Variants in B3GALT5 observed in about 807,000 individuals in gnomAD.
B3GALT5 encodes UDP-Gal:betaGlcNAc beta 1,3-galactosyltransferase, polypeptide 5.
For missense variants in B3GALT5, 328 were observed against 396.6 expected (o/e 0.83, Z 1.47); for synonymous variants, 156 against 158.6 (o/e 0.98, Z 0.12).
At chr21:39,639,355 C>T (rs201468194) in intron 1 of B3GALT5, among the ~76,000 whole-genome samples, 1,912 of 78,434 alleles carry the variant, frequency 0.024, 3 homozygotes, top group African/African-American at 0.029. Flanking sequence ...TCTTTCCTTC[C>T]TTCCTTCCTT....
chr21:39,646,048 A>G (rs546894393), intron 1 of B3GALT5, among the ~76,000 whole-genome samples: 37 of 151,400 alleles, frequency 2.4e-4, no homozygotes, highest in African/African-American at 8.3e-4. Flanking sequence ...CATCTCTTTT[A>G]TTGATTCTAC....
chr21:39,657,775 ATC>A (rs1304931779), intron 2 of B3GALT5: 1 of 1,001,012 alleles, frequency 1.0e-6, no homozygotes, highest in East Asian at 3.3e-5. Flanking sequence ...TGTTGATTCG[ATC>A]TCTCTAGAGA....
chr21:39,652,171 C>T (rs1016144619), intron 2 of B3GALT5, among the ~76,000 whole-genome samples: 45 of 152,220 alleles, frequency 3.0e-4, no homozygotes, highest in African/African-American at 9.6e-4. Context: ...CAGGTGCCAG[C>T]GGGCTCTCAG....
At chr21:39,656,687 CT>C (rs569114649) in intron 2 of B3GALT5, among the ~76,000 whole-genome samples, 75 of 152,298 alleles carry the variant, frequency 4.9e-4, no homozygotes, top group African/African-American at 1.7e-3. Context: ...CTTCTGATTC[CT>C]TTGTCTCTGT....
intron 1 of B3GALT5, among the ~76,000 whole-genome samples, chr21:39,634,345 C>T (rs2079211829): frequency 6.6e-6 from 1 of 152,120 alleles, no homozygotes; most frequent in South Asian, 2.1e-4. Flanking sequence ...GTCAGAACTG[C>T]TCCCATGTCC....
rs1197254653 is a variant in B3GALT5 at position 39,671,152 on chromosome 21, C to T, written c.*9660C>T. The T allele has an allele frequency of 6.6e-6, 1 of 152,186 alleles. No individual in the cohort carries two copies. Among genetic ancestry groups the T allele is most frequent in the Admixed American group, 6.5e-5 (1 of 15,280 alleles). The allele number at this position is 152,186 out of a possible 1,614,324, so 9.4% of individuals were successfully genotyped here. ...ATTAATTCATTCATGACAGCAGAAC[C>T]CTCCTGACCCAGTCACCTCTTAAAA... is the stretch of plus-strand genomic sequence containing the variant. On this transcript the variant is annotated 3_prime_UTR_variant, in exon 4 of 4. Coordinates refer to ENST00000684187, the MANE Select transcript of B3GALT5 (RefSeq NM_001356336.2).
At chr21:39,622,593 C>T (rs918228614) in intron 1 of B3GALT5, among the ~76,000 whole-genome samples, 3 of 151,966 alleles carry the variant, frequency 2.0e-5, no homozygotes, top group African/African-American at 7.3e-5. Flanking sequence ...AGTATCTTTC[C>T]TGCCTATCGT....
At chr21:39,639,406 T>TTC (rs1569212408) in intron 1 of B3GALT5, among the ~76,000 whole-genome samples, 1,345 of 76,482 alleles carry the variant, frequency 0.018, 38 homozygotes, top group East Asian at 0.06. Flanking sequence ...TTCTTTTTCT[T>TTC]TCTTTCTTTC....
At chr21:39,614,799 C>T (rs2079099163) in intron 1 of B3GALT5, among the ~76,000 whole-genome samples, 1 of 152,142 alleles carries the variant, frequency 6.6e-6, no homozygotes, top group Admixed American at 6.5e-5. Flanking sequence ...CAGGGGATGC[C>T]CCCCATGCAT....
At chr21:39,643,417 C>CAAA (rs532164130) in intron 1 of B3GALT5, among the ~76,000 whole-genome samples, 13 of 113,424 alleles carry the variant, frequency 1.1e-4, no homozygotes, top group African/African-American at 4.2e-4. Context: ...GACTCTAGCT[C>CAAA]AAAAAAAAAA....
At chr21:39,632,499 C>T (rs2079198691) in intron 1 of B3GALT5, among the ~76,000 whole-genome samples, 1 of 152,104 alleles carries the variant, frequency 6.6e-6, no homozygotes, top group Admixed American at 6.5e-5. Flanking sequence ...AAGGAGACGC[C>T]ACGTAATTGA....
rs763454771 is a variant in B3GALT5 at position 39,660,614 on chromosome 21, CTTTG to C, written c.61_64del (p.Leu21IlefsTer7). On this transcript the variant is annotated frameshift_variant, in exon 4 of 4. Coordinates refer to ENST00000684187, the MANE Select transcript of B3GALT5 (RefSeq NM_001356336.2). LOFTEE classifies it low-confidence loss of function (END_TRUNC). Reference sequence around the variant, plus strand: ...TATTTGCCTTCTGGTTCTGGGGGCTCTTTGTTTGTATTTTAGCATGTACAGTCTA... The same window carrying C: ...TATTTGCCTTCTGGTTCTGGGGGCTCTTTGTATTTTAGCATGTACAGTCTA... 2 of 1,452,844 alleles carry C rather than the reference CTTTG, an allele frequency of 1.4e-6. No individual in the cohort carries two copies. Among genetic ancestry groups the C allele is most frequent in the Non-Finnish European group, 1.8e-6 (2 of 1,100,932 alleles). 90.0% of individuals were successfully genotyped at this position (1,452,844 alleles called of 1,614,324 possible).
intron 1 of B3GALT5, among the ~76,000 whole-genome samples, chr21:39,614,743 C>A (rs1488992579): frequency 6.6e-6 from 1 of 152,152 alleles, no homozygotes; most frequent in Non-Finnish European, 1.5e-5. Context: ...TCAGGGTCTC[C>A]ATCTTGTCCT....
rs1325359941 is a variant in B3GALT5 at position 39,667,680 on chromosome 21, C to G, written c.*6188C>G. 1.3e-5 allele frequency: 2 copies of G among 152,182 alleles called. No homozygotes were observed. The highest frequency in any genetic ancestry group is 1.5e-5 in the Non-Finnish European group (1 of 68,042). The allele number at this position is 152,182 out of a possible 1,614,324, so 9.4% of individuals were successfully genotyped here. On this transcript the variant is annotated 3_prime_UTR_variant, in exon 4 of 4. Coordinates refer to ENST00000684187, the MANE Select transcript of B3GALT5 (RefSeq NM_001356336.2). The stretch of plus-strand genomic sequence containing the variant: ...GGCAGGAGCCATGGAAAATAGAGAC[C>G]CACCCGGTAAGGAGGTAACTGGGAC...
chr21:39,651,524 A>G (rs928532268), intron 2 of B3GALT5, among the ~76,000 whole-genome samples: 1 of 152,180 alleles, frequency 6.6e-6, no homozygotes, highest in Non-Finnish European at 1.5e-5. Flanking sequence ...AATACCCATC[A>G]TATGGGTTAG....
rs530665558 is a variant in B3GALT5 at position 39,671,575 on chromosome 21, G to A, written c.*10083G>A. 2.0e-5 allele frequency: 3 copies of A among 152,282 alleles called. No individual in the cohort carries two copies. The highest frequency in any genetic ancestry group is 3.9e-4 in the East Asian group (2 of 5,188). The allele number at this position is 152,282 out of a possible 1,614,324, so 9.4% of individuals were successfully genotyped here. On this transcript the variant is annotated 3_prime_UTR_variant, in exon 4 of 4. Transcript: ENST00000684187. ...GTTCCTTCAAACATCAGTTCCTGAA[G>A]CCTCTTTTATTCATTATTGTTGGGA... is the stretch of plus-strand genomic sequence containing the variant.
In B3GALT5 at chr21:39,667,519, T is replaced by C. The variant is rs1434130375; in HGVS notation, c.*6027T>C. ...TAAGAACAAGGAAGCATTGTGTGTGTGTGTGCACACCCCAAGGTTGTGCAG... is the reference window on the plus strand; with the variant it reads ...TAAGAACAAGGAAGCATTGTGTGTGCGTGTGCACACCCCAAGGTTGTGCAG... On this transcript the variant is annotated 3_prime_UTR_variant, in exon 4 of 4. Transcript: ENST00000684187. 2 of 152,222 alleles carry C rather than the reference T, an allele frequency of 1.3e-5. No individual in the cohort carries two copies. Among genetic ancestry groups the C allele is most frequent in the Admixed American group, 1.3e-4 (2 of 15,286 alleles). 9.4% of individuals were successfully genotyped at this position (152,222 alleles called of 1,614,324 possible).
chr21:39,616,174 C>G (rs967710253), intron 1 of B3GALT5, among the ~76,000 whole-genome samples: 1 of 152,054 alleles, frequency 6.6e-6, no homozygotes, highest in Non-Finnish European at 1.5e-5. Flanking sequence ...ATAGCAAGAC[C>G]CCGTCTCTGA....
chr21:39,616,420 G>A (rs2079107799), intron 1 of B3GALT5, among the ~76,000 whole-genome samples: 1 of 151,952 alleles, frequency 6.6e-6, no homozygotes, highest in Non-Finnish European at 1.5e-5. Flanking sequence ...TTAGTTTCTT[G>A]TAGCAATAAA....
Sources: allele counts gnomAD v4.1 joint callset (sites outside exome capture counted in the v4.1 genomes callset), GRCh38; gene constraint gnomAD v4.1.1; transcripts MANE v1.5; gene names NCBI Gene and HGNC (gene_info 2026-07-23, HGNC 2026-07-21).